The following CTSB variants were observed in gnomAD, a reference collection of about 807,000 sequenced individuals.
CTSB encodes cathepsin B.
A neutral mutation model predicts 44.3 loss-of-function variants in CTSB; 57 were observed. That is an observed-to-expected ratio of 1.29 (90% CI 1.04 to 1.60). The LOEUF is 1.60. Ranked by LOEUF, CTSB falls within the 40% of genes most tolerant of loss-of-function variation. CTSB has a pLI of 0.00. For synonymous variants in CTSB, 320 were observed against 168.0 expected (o/e 1.91, Z -7.00); for missense variants, 768 against 443.0 (o/e 1.73, Z -6.59).
chr8:11,849,693 G>A (rs1311843460), intron 4 of CTSB: 1 of 152,052 alleles, frequency 6.6e-6, no homozygotes, highest in African/African-American at 2.4e-5. Context: ...CAATTCTCCT[G>A]CCTCAGCCTC....
intron 9 of CTSB, 87 bp from the exon 10 acceptor site, chr8:11,845,309 C>G: frequency 8.0e-6 from 8 of 1,005,326 alleles, no homozygotes. Flanking sequence ...TTAAGTCACT[C>G]ATCCCTGGCC....
Position 11,851,009 on chromosome 8 carries a change from C to T in CTSB, c.213-29G>A, listed in dbSNP as rs771940133. The stretch of plus-strand genomic sequence containing the variant: ...GATAAAGGAAGGTCTTCATTACAAG[C>T]TCTGATCCCACAACTCCCTCCCCAA... On this transcript the variant is annotated intron_variant, in intron 3 of 9. Coordinates refer to ENST00000353047, the MANE Select transcript of CTSB (RefSeq NM_001908.5). 16 of 1,541,460 alleles carry T rather than the reference C, an allele frequency of 1.0e-5. No homozygotes were observed. In the South Asian group the frequency reaches 1.8e-4, roughly 18 times the overall value.
At chr8:11,866,626 G>C (rs530772468) in intron 1 of CTSB, among the ~76,000 whole-genome samples, 132 of 152,318 alleles carry the variant, frequency 8.7e-4, no homozygotes, top group African/African-American at 2.6e-3. Context: ...CCGGGAGGCC[G>C]AGACAGGCGG....
At chr8:11,854,917 A>C (rs1020537324) in intron 1 of CTSB, 4 of 152,410 alleles carry the variant, frequency 2.6e-5, no homozygotes, top group Non-Finnish European at 4.4e-5. Context: ...AGCGTTACCT[A>C]GGTGAGGCCA....
intron 1 of CTSB, among the ~76,000 whole-genome samples, chr8:11,860,877 A>T (rs140982804): frequency 1.3e-5 from 2 of 152,322 alleles, no homozygotes; most frequent in Non-Finnish European, 2.9e-5. Context: ...ACTTAAGTGC[A>T]ACCACAAAAC....
intron 7 of CTSB, 39 bp from the exon 8 acceptor site, chr8:11,847,207 G>C: frequency 7.3e-7 from 1 of 1,365,478 alleles, no homozygotes; most frequent in Non-Finnish European, 1.0e-6. Flanking sequence ...GGAGGGCAGT[G>C]ACCGTGCCTC....
chr8:11,864,430 G>A (rs1279247392), intron 1 of CTSB: 1 of 151,646 alleles, frequency 6.6e-6, no homozygotes. Flanking sequence ...GGCTGAGGCT[G>A]CCGTGAGCCG....
intron 1 of CTSB, among the ~76,000 whole-genome samples, chr8:11,865,752 G>A (rs1237261157): frequency 1.3e-5 from 2 of 151,082 alleles, no homozygotes; most frequent in Admixed American, 6.6e-5. Context: ...GCTCATGCCT[G>A]TAATCCTACC....
At chr8:11,854,853 C>T (rs1586155082) in intron 1 of CTSB, 1 of 152,308 alleles carries the variant, frequency 6.6e-6, no homozygotes, top group African/African-American at 2.4e-5. Flanking sequence ...GGGTGATGCT[C>T]ATCAGCACAG....
Position 11,844,537 on chromosome 8 carries a change from T to G in CTSB, c.*588A>C, listed in dbSNP as rs930862341. 1 of 152,364 alleles carries G rather than the reference T, an allele frequency of 6.6e-6. No individual in the cohort carries two copies. The highest frequency in any genetic ancestry group is 2.4e-5 in the African/African-American group (1 of 41,438). 9.4% of individuals were successfully genotyped at this position (152,364 alleles called of 1,614,324 possible). ...AAAACTAGCACAGGTCTCCCGCTGT[T>G]CCACTGGCTCACCCACATGATTAGC... On this transcript the variant is annotated 3_prime_UTR_variant, in exon 10 of 10. Coordinates refer to ENST00000353047, the MANE Select transcript of CTSB (RefSeq NM_001908.5).
rs374008504 is a variant in CTSB at position 11,845,646 on chromosome 8, G to C, written c.922+15C>G. 3.1e-6 allele frequency: 5 copies of C among 1,610,546 alleles called. No individual in the cohort carries two copies. In the East Asian group the frequency reaches 6.7e-5, roughly 22 times the overall value. On this transcript the variant is annotated intron_variant, in intron 9 of 9. Coordinates refer to ENST00000353047, the MANE Select transcript of CTSB (RefSeq NM_001908.5). ...ACAATTCACTGTTCTTGGCAGGAAG[G>C]GGGCAGCCACTCACCATTGTCACCC...
At chr8:11,866,320 G>A (rs923327995) in intron 1 of CTSB, among the ~76,000 whole-genome samples, 4 of 152,236 alleles carry the variant, frequency 2.6e-5, no homozygotes, top group African/African-American at 9.6e-5. Context: ...CTAACCAGTT[G>A]GAAACAGGGC....
intron 1 of CTSB, chr8:11,854,771 G>C (rs111485556): frequency 6.6e-6 from 1 of 152,300 alleles, no homozygotes; most frequent in East Asian, 1.9e-4. Context: ...GTGAGCCACC[G>C]CACCCAGCCA....
chr8:11,855,900 C>A (rs903561497), intron 1 of CTSB, among the ~76,000 whole-genome samples: 1 of 152,038 alleles, frequency 6.6e-6, no homozygotes, highest in African/African-American at 2.4e-5. Flanking sequence ...TGCCTGTAAT[C>A]GCAGCTACTT....
At chr8:11,848,271 G>A in intron 5 of CTSB, 119 bp from the exon 6 acceptor site, 2 of 857,964 alleles carry the variant, frequency 2.3e-6, no homozygotes, top group African/African-American at 1.7e-5. Flanking sequence ...GCAGCAAGTG[G>A]TGCGAGCAGA....
At chr8:11,867,628 G>A (rs927243649) in intron 1 of CTSB, 2 of 152,360 alleles carry the variant, frequency 1.3e-5, no homozygotes, top group Admixed American at 1.3e-4. Context: ...TGGGAGCGCG[G>A]TCCCAGGCAG....
intron 1 of CTSB, chr8:11,865,518 A>C (rs909640594): frequency 6.8e-3 from 1 of 146 alleles, no homozygotes; most frequent in Non-Finnish European, 0.013. Context: ...GAACACAGGA[A>C]GCGGAGTTGC....
intron 1 of CTSB, among the ~76,000 whole-genome samples, chr8:11,863,319 C>A (rs561038848): frequency 6.6e-6 from 1 of 151,902 alleles, no homozygotes; most frequent in Admixed American, 6.6e-5. Context: ...ATTAGCTGGG[C>A]GTGGTGGCAC....
intron 1 of CTSB, among the ~76,000 whole-genome samples, chr8:11,865,870 C>G (rs1294207544): frequency 7.1e-6 from 1 of 141,792 alleles, no homozygotes; most frequent in Non-Finnish European, 1.5e-5. Context: ...AAAAAAAAAG[C>G]CAGGTGTGGT....
Sources: gnomAD v4.1 joint callset for allele counts (sites outside exome capture counted in the v4.1 genomes callset) on GRCh38, gnomAD v4.1.1 for gene constraint, MANE v1.5 for transcripts, NCBI Gene and HGNC (gene_info 2026-07-23, HGNC 2026-07-21) for gene names.